The following KLRG1 variants were observed in gnomAD, a reference collection of about 807,000 sequenced individuals.
KLRG1 encodes killer cell lectin like receptor G1.
A neutral mutation model predicts 21.8 loss-of-function variants in KLRG1; 16 were observed. That is an observed-to-expected ratio of 0.73 (90% CI 0.50 to 1.11). The LOEUF is 1.11. KLRG1 is among the 50% of genes most tolerant of loss of function. KLRG1 has a pLI of 0.00. For synonymous variants in KLRG1, 69 were observed against 75.9 expected (o/e 0.91, Z 0.47); for missense variants, 173 against 218.3 (o/e 0.79, Z 1.31).
the KLRG1 span, among the ~76,000 whole-genome samples, chr12:9,214,417 T>A: frequency 1.3e-5 from 2 of 152,170 alleles, no homozygotes; most frequent in Non-Finnish European, 2.9e-5. Context: ...GTACATCAAT[T>A]TGGGGACTAT....
At chr12:8,970,610 T>C (rs1264545794) in intron 1 of KLRG1, 1 of 152,256 alleles carries the variant, frequency 6.6e-6, no homozygotes, top group Non-Finnish European at 1.5e-5. Flanking sequence ...TTTTCATCTT[T>C]TATTTATTTA....
the KLRG1 span, chr12:9,196,892 G>GT: frequency 2.9e-5 from 25 of 874,870 alleles, no homozygotes; most frequent in Non-Finnish European, 4.5e-5. Context: ...ACAGAAATTC[G>GT]TTTTTTGGTG....
intron 1 of KLRG1, chr12:8,990,455 A>G (rs190272605): frequency 5.3e-5 from 8 of 152,280 alleles, no homozygotes; most frequent in African/African-American, 1.7e-4. Flanking sequence ...TTTTTACTAC[A>G]TAGTTTTACT....
the KLRG1 span, among the ~76,000 whole-genome samples, chr12:9,194,537 T>C: frequency 3.4e-5 from 5 of 145,762 alleles, no homozygotes; most frequent in Admixed American, 2.9e-4. Context: ...CGATCTCGGC[T>C]CACTGCAAGC....
the KLRG1 span, among the ~76,000 whole-genome samples, chr12:9,032,672 G>A: frequency 6.6e-6 from 1 of 152,142 alleles, no homozygotes; most frequent in Non-Finnish European, 1.5e-5. Context: ...CACAAGATTT[G>A]TAACTTCCCC....
the KLRG1 span, chr12:9,106,237 T>C: frequency 6.3e-7 from 1 of 1,595,542 alleles, no homozygotes; most frequent in Non-Finnish European, 8.6e-7. Flanking sequence ...ATACTCCACC[T>C]GCCCAAAGAA....
At chr12:9,076,327 A>G in the KLRG1 span, among the ~76,000 whole-genome samples, 1 of 152,346 alleles carries the variant, frequency 6.6e-6, no homozygotes, top group East Asian at 1.9e-4. Flanking sequence ...TCTGTGAGGT[A>G]AATACTATTA....
the KLRG1 span, among the ~76,000 whole-genome samples, chr12:9,195,707 G>A: frequency 6.7e-6 from 1 of 148,904 alleles, no homozygotes; most frequent in Non-Finnish European, 1.5e-5. Context: ...TCCCCCCTTG[G>A]CCTCCCAAAG....
the KLRG1 span, among the ~76,000 whole-genome samples, chr12:9,109,091 C>A: frequency 2.0e-5 from 3 of 151,990 alleles, no homozygotes; most frequent in Non-Finnish European, 4.4e-5. Context: ...ATTAGCATAA[C>A]CTCTCTAGAA....
the KLRG1 span, chr12:9,091,311 G>C: frequency 6.2e-7 from 1 of 1,614,122 alleles, no homozygotes; most frequent in Non-Finnish European, 8.5e-7. Context: ...TGGAAGGCTC[G>C]GAGAGAGGCA....
chr12:9,192,017 T>C, the KLRG1 span, among the ~76,000 whole-genome samples: 2 of 152,170 alleles, frequency 1.3e-5, no homozygotes, highest in African/African-American at 4.8e-5. Context: ...ACAATCACAT[T>C]TATCTGTTGA....
chr12:9,079,424 AT>A, the KLRG1 span: 51 of 1,319,906 alleles, frequency 3.9e-5, no homozygotes, highest in Non-Finnish European at 5.4e-5. Flanking sequence ...CTCTTGTGAC[AT>A]TTCTTAAATT....
At chr12:9,166,662 T>C in the KLRG1 span, among the ~76,000 whole-genome samples, 211 of 152,360 alleles carry the variant, frequency 1.4e-3, 1 homozygote, top group Non-Finnish European at 2.3e-3. Flanking sequence ...AAATTAAATT[T>C]ACTTTAAATC....
At chr12:9,014,672 A>G (rs916510964), downstream of KLRG1, among the ~76,000 whole-genome samples, 1 of 152,198 alleles carries the variant, frequency 6.6e-6, no homozygotes, top group Admixed American at 6.5e-5. Flanking sequence ...TGAAGGTACA[A>G]AACTCACTGG....
At chr12:9,050,151 C>T in the KLRG1 span, among the ~76,000 whole-genome samples, 2 of 152,180 alleles carry the variant, frequency 1.3e-5, no homozygotes, top group Non-Finnish European at 2.9e-5. Context: ...TGGTCTAAAA[C>T]GTGTCACATT....
At chr12:9,185,488 A>G in the KLRG1 span, among the ~76,000 whole-genome samples, 1 of 152,236 alleles carries the variant, frequency 6.6e-6, no homozygotes, top group Non-Finnish European at 1.5e-5. Flanking sequence ...GATGAGCATA[A>G]TGAAAGCAAC....
intron 1 of KLRG1, among the ~76,000 whole-genome samples, chr12:8,966,409 G>A (rs2137237207): frequency 6.6e-6 from 1 of 152,024 alleles, no homozygotes; most frequent in African/African-American, 2.4e-5. Flanking sequence ...GCAACCTACA[G>A]AATGGGAGAA....
chr12:9,200,433 T>C, the KLRG1 span: 1 of 1,609,374 alleles, frequency 6.2e-7, no homozygotes, highest in South Asian at 1.1e-5. Context: ...AACTTTGACC[T>C]CAAACTTGGG....
chr12:9,109,758 C>T, the KLRG1 span: 1 of 1,106,498 alleles, frequency 9.0e-7, no homozygotes, highest in Non-Finnish European at 1.3e-6. Context: ...TACTCCAAGC[C>T]CAATGTCACC....
Sources: allele counts gnomAD v4.1 joint callset (sites outside exome capture counted in the v4.1 genomes callset), GRCh38; gene constraint gnomAD v4.1.1; transcripts MANE v1.5; gene names NCBI Gene and HGNC (gene_info 2026-07-23, HGNC 2026-07-21).